The following LRRFIP1 variants were observed in gnomAD, a reference collection of about 807,000 sequenced individuals.
The protein encoded by LRRFIP1 is LRR binding FLII interacting protein 1, also known as leucine-rich repeat flightless-interacting protein 1.
Under a neutral mutation model 104.4 loss-of-function variants are expected in LRRFIP1, and 62 were observed. The ratio of observed to expected loss-of-function variants is 0.59; its 90% CI spans 0.48 to 0.73. The LOEUF is 0.73. LRRFIP1 is among the 30% of genes least tolerant of loss of function. LRRFIP1 has a pLI of 0.00. For missense variants in LRRFIP1, 796 were observed against 824.5 expected, an observed-to-expected ratio of 0.97 and a Z score of 0.42; for synonymous variants, 300 against 299.0, an observed-to-expected ratio of 1.00 and a Z score of -0.03.
chr2:237,668,441 A>G (rs2089838107), intron 1 of LRRFIP1, among the ~76,000 whole-genome samples: 1 of 152,098 alleles, frequency 6.6e-6, no homozygotes, highest in Admixed American at 6.5e-5. Flanking sequence ...CCCTCATGCT[A>G]TGGTTCCCCG....
chr2:237,732,998 C>T (rs571116828), intron 8 of LRRFIP1, among the ~76,000 whole-genome samples: 12 of 152,314 alleles, frequency 7.9e-5, no homozygotes, highest in African/African-American at 2.4e-4. Flanking sequence ...TGAAAGTACA[C>T]GTCCTATTTG....
intron 1 of LRRFIP1, among the ~76,000 whole-genome samples, chr2:237,702,597 G>T (rs1032241958): frequency 6.6e-6 from 1 of 152,210 alleles, no homozygotes; most frequent in Non-Finnish European, 1.5e-5. Context: ...CCAGCAGCGG[G>T]CCACCTTCCA....
In LRRFIP1 at chr2:237,650,666, C is replaced by T. The variant is rs115580687; in HGVS notation, c.96+22926C>T. 4.8e-3 allele frequency among the ~76,000 whole-genome samples: 730 copies of T among 152,242 alleles called. 8 individuals carry two copies. Among genetic ancestry groups the T allele is most frequent in the African/African-American group, 0.017 (698 of 41,522 alleles). ...CCAGGCTGGACGTTGGCACAGTGAC[C>T]GCAGGAGAGAAGAATGTTGCCAGAC... On this transcript the variant is annotated intron_variant, in intron 1 of 23. Transcript: ENST00000308482.
At chr2:237,682,606 C>T (rs890473295) in intron 1 of LRRFIP1, among the ~76,000 whole-genome samples, 2 of 152,330 alleles carry the variant, frequency 1.3e-5, no homozygotes, top group South Asian at 4.1e-4. Flanking sequence ...CTTCTCACTT[C>T]AGCTGTTCTT....
chr2:237,644,326 G>C (rs1030128352), intron 1 of LRRFIP1, among the ~76,000 whole-genome samples: 2 of 152,232 alleles, frequency 1.3e-5, no homozygotes, highest in African/African-American at 4.8e-5. Context: ...TGTAGAACAT[G>C]CTCCGTGTGG....
chr2:237,672,988 G>A (rs893549979), intron 1 of LRRFIP1, among the ~76,000 whole-genome samples: 1 of 152,176 alleles, frequency 6.6e-6, no homozygotes, highest in Non-Finnish European at 1.5e-5. Flanking sequence ...TACGATGACC[G>A]TGCTCCGTCG....
chr2:237,698,597 T>C (rs1428486903), intron 1 of LRRFIP1, among the ~76,000 whole-genome samples: 1 of 152,254 alleles, frequency 6.6e-6, no homozygotes, highest in Non-Finnish European at 1.5e-5. Context: ...TCTTTGAAGG[T>C]GGCCGTCTTA....
Position 237,696,561 on chromosome 2 carries a change from C to T in LRRFIP1, c.97-11983C>T, listed in dbSNP as rs188416516. Among the ~76,000 whole-genome samples the T allele has an allele frequency of 2.0e-3, 303 of 152,330 alleles. 1 individual carries two copies. The Middle Eastern group carries it at 0.024, about 12-fold the overall frequency. Reference sequence around the variant, plus strand: ...TGTTTTATGTGAAGGTCTTCTCTAACCCTTGCTGTAACCTCATGGGGAGCA... The same window carrying T: ...TGTTTTATGTGAAGGTCTTCTCTAATCCTTGCTGTAACCTCATGGGGAGCA... On this transcript the variant is annotated intron_variant, in intron 1 of 23. Transcript: ENST00000308482.
chr2:237,728,058 CTGTCT>C, intron 8 of LRRFIP1, 123 bp downstream of exon 8: 1 of 631,788 alleles, frequency 1.6e-6, no homozygotes, highest in Non-Finnish European at 2.6e-6. Context: ...TAAAATCGGT[CTGTCT>C]TTTTTTTCCT....
At chr2:237,734,560 A>G (rs2095170720) in intron 9 of LRRFIP1, among the ~76,000 whole-genome samples, 1 of 152,200 alleles carries the variant, frequency 6.6e-6, no homozygotes, top group Admixed American at 6.5e-5. Flanking sequence ...GATTACAGGC[A>G]TGAGCCACCA....
chr2:237,672,784 A>T (rs1386110601), intron 1 of LRRFIP1, among the ~76,000 whole-genome samples: 1 of 152,260 alleles, frequency 6.6e-6, no homozygotes, highest in Non-Finnish European at 1.5e-5. Context: ...AAGACTTTAC[A>T]GTATCCAAAT....
At chr2:237,696,809 T>A (rs559049723) in intron 1 of LRRFIP1, among the ~76,000 whole-genome samples, 1 of 152,272 alleles carries the variant, frequency 6.6e-6, no homozygotes. Flanking sequence ...CGGCTGCTGC[T>A]GCTGCTTTTG....
intron 1 of LRRFIP1, 77 bp from the exon 2 acceptor site, chr2:237,708,467 C>T (rs933301799): frequency 4.9e-5 from 52 of 1,060,598 alleles, no homozygotes; most frequent in African/African-American, 2.2e-4. Flanking sequence ...ATTTTCTTTC[C>T]GCATCATCAC....
chr2:237,628,838 G>A (rs557338433), intron 1 of LRRFIP1, among the ~76,000 whole-genome samples: 3 of 152,234 alleles, frequency 2.0e-5, no homozygotes, highest in South Asian at 2.1e-4. Context: ...TTGCTCTTAC[G>A]GACATGTGGC....
intron 1 of LRRFIP1, among the ~76,000 whole-genome samples, chr2:237,672,699 C>A (rs1352382553): frequency 1.3e-5 from 2 of 152,120 alleles, no homozygotes; most frequent in African/African-American, 4.8e-5. Flanking sequence ...CCCTGGCACC[C>A]GCTGTTGGTG....
At chr2:237,774,074 G>T in intron 22 of LRRFIP1, 1 of 373,106 alleles carries the variant, frequency 2.7e-6, no homozygotes, top group Non-Finnish European at 4.9e-6. Flanking sequence ...CCCACGCAGC[G>T]GGAGAAGAAG....
intron 1 of LRRFIP1, among the ~76,000 whole-genome samples, chr2:237,646,673 T>C (rs10803659): frequency 0.44 from 66,340 of 151,680 alleles, 15,783 homozygotes; most frequent in East Asian, 0.6. Context: ...TTATTGCCCT[T>C]GTAAGAAGAG....
At chr2:237,712,670 C>A (rs1186044421) in intron 2 of LRRFIP1, among the ~76,000 whole-genome samples, 3 of 152,098 alleles carry the variant, frequency 2.0e-5, no homozygotes, top group Non-Finnish European at 4.4e-5. Context: ...TGTGCATGTG[C>A]GCTCACACAC....
rs185229222 is a variant in LRRFIP1, at chr2:237,663,853, G to T, written c.96+36113G>T. Among the ~76,000 whole-genome samples the T allele has an allele frequency of 1.4e-3, 208 of 152,250 alleles. 1 individual carries two copies. Among genetic ancestry groups the T allele is most frequent in the African/African-American group, 4.9e-3 (202 of 41,550 alleles). On this transcript the variant is annotated intron_variant, in intron 1 of 23. Transcript: ENST00000308482. The stretch of plus-strand genomic sequence containing the variant: ...GTCTGGCAAAGGTTCACGTGCATTC[G>T]CCTGGGCCATAGGGGAGAGGGGAGC...
Sources: gnomAD v4.1 joint callset for allele counts (sites outside exome capture counted in the v4.1 genomes callset) on GRCh38, gnomAD v4.1.1 for gene constraint, MANE v1.5 for transcripts, NCBI Gene and HGNC (gene_info 2026-07-23, HGNC 2026-07-21) for gene names.